The following PDSS2 variants were observed in gnomAD, a reference collection of about 807,000 sequenced individuals.
PDSS2 encodes the protein all trans-polyprenyl-diphosphate synthase PDSS2.
In PDSS2, 31 loss-of-function variants were observed where a neutral mutation model predicts 44.5. That is an observed-to-expected ratio of 0.70 (90% confidence interval 0.52 to 0.94). The LOEUF is 0.94. Ranked by LOEUF, PDSS2 falls within the 40% of genes least tolerant of loss-of-function variation. The pLI, the probability that PDSS2 is intolerant of heterozygous loss-of-function variation, is 0.00. For synonymous variants in PDSS2, 157 were observed against 180.3 expected (o/e 0.87, Z 1.03); for missense variants, 452 against 482.2 (o/e 0.94, Z 0.59).
chr6:107,401,970 C>A (rs1780119056), intron 1 of PDSS2, among the ~76,000 whole-genome samples: 1 of 152,132 alleles, frequency 6.6e-6, no homozygotes, highest in African/African-American at 2.4e-5. Flanking sequence ...TGGTGAAACC[C>A]TGTCTCTATT....
intron 1 of PDSS2, among the ~76,000 whole-genome samples, chr6:107,389,098 G>T (rs1193094951): frequency 2.0e-5 from 3 of 152,172 alleles, no homozygotes; most frequent in South Asian, 4.1e-4. Context: ...CTACAAAAGG[G>T]AATACAAGGG....
intron 1 of PDSS2, among the ~76,000 whole-genome samples, chr6:107,405,619 G>A (rs920095649): frequency 1.1e-4 from 16 of 151,990 alleles, no homozygotes; most frequent in South Asian, 8.3e-4. Context: ...AGGCCGAGGC[G>A]GGCGGATCAC....
intron 4 of PDSS2, among the ~76,000 whole-genome samples, chr6:107,215,410 G>T (rs560774306): frequency 1.3e-5 from 2 of 152,202 alleles, no homozygotes; most frequent in Admixed American, 6.5e-5. Flanking sequence ...TAAAAAAATA[G>T]CAACTGATGT....
intron 4 of PDSS2, among the ~76,000 whole-genome samples, chr6:107,220,945 C>A (rs147022803): frequency 6.6e-6 from 1 of 152,234 alleles, no homozygotes; most frequent in East Asian, 1.9e-4. Context: ...TGTAAAATGC[C>A]AAGAAACTAG....
At chr6:107,326,796 G>A (rs1429981483) in intron 2 of PDSS2, among the ~76,000 whole-genome samples, 2 of 151,538 alleles carry the variant, frequency 1.3e-5, no homozygotes, top group African/African-American at 4.9e-5. Context: ...AGGTTGCAGT[G>A]AGCCGAGATC....
chr6:107,445,234 G>A (rs1357141787), intron 1 of PDSS2, among the ~76,000 whole-genome samples: 2 of 151,666 alleles, frequency 1.3e-5, no homozygotes, highest in South Asian at 2.1e-4. Flanking sequence ...TTTAGTTAGG[G>A]AAACAGTAAT....
At chr6:107,320,728 C>G (rs1777354636) in intron 2 of PDSS2, among the ~76,000 whole-genome samples, 1 of 152,142 alleles carries the variant, frequency 6.6e-6, no homozygotes, top group Non-Finnish European at 1.5e-5. Context: ...ATTCAACCCC[C>G]TAAGAAAATT....
At chr6:107,240,327 G>T (rs1774375906) in intron 4 of PDSS2, among the ~76,000 whole-genome samples, 1 of 151,976 alleles carries the variant, frequency 6.6e-6, no homozygotes, top group South Asian at 2.1e-4. Context: ...CTTGAGCCCA[G>T]GAGTTCAAGG....
intron 7 of PDSS2, among the ~76,000 whole-genome samples, chr6:107,175,087 C>T (rs887317838): frequency 3.3e-5 from 5 of 152,052 alleles, no homozygotes; most frequent in African/African-American, 1.2e-4. Context: ...TGGCACACGC[C>T]TGTAATCCCA....
At chr6:107,402,633 G>A (rs1422076713) in intron 1 of PDSS2, among the ~76,000 whole-genome samples, 1 of 148,780 alleles carries the variant, frequency 6.7e-6, no homozygotes, top group Admixed American at 6.7e-5. Flanking sequence ...CACAATCATG[G>A]CAGAAAGCAA....
chr6:107,199,383 C>T (rs1772690845), intron 6 of PDSS2, among the ~76,000 whole-genome samples: 1 of 152,242 alleles, frequency 6.6e-6, no homozygotes, highest in African/African-American at 2.4e-5. Context: ...TCACGGCAGC[C>T]TCAACCTCTC....
At chr6:107,419,257 G>A (rs79954273) in intron 1 of PDSS2, among the ~76,000 whole-genome samples, 19,459 of 152,142 alleles carry the variant, frequency 0.13, 1,478 homozygotes, top group East Asian at 0.24. Context: ...TCTCAAAAAT[G>A]CTACAAATGA....
At chr6:107,270,558 A>T (rs1243948917) in intron 3 of PDSS2, among the ~76,000 whole-genome samples, 1 of 152,212 alleles carries the variant, frequency 6.6e-6, no homozygotes, top group Non-Finnish European at 1.5e-5. Flanking sequence ...AGCTTCTATT[A>T]AAATAGAAGA....
intron 1 of PDSS2, among the ~76,000 whole-genome samples, chr6:107,412,196 T>C (rs1780523159): frequency 6.7e-6 from 1 of 148,726 alleles, no homozygotes; most frequent in Non-Finnish European, 1.5e-5. Flanking sequence ...CAACTGTACT[T>C]CTTTTTCTGT....
intron 1 of PDSS2, among the ~76,000 whole-genome samples, chr6:107,407,140 T>C (rs1780346605): frequency 6.6e-6 from 1 of 152,234 alleles, no homozygotes. Flanking sequence ...AATTCTGATA[T>C]ATGCTACAAC....
intron 2 of PDSS2, among the ~76,000 whole-genome samples, chr6:107,295,700 CA>C (rs970531753): frequency 6.6e-6 from 1 of 152,084 alleles, no homozygotes; most frequent in African/African-American, 2.4e-5. Flanking sequence ...ACCAAATTGC[CA>C]GGTAAATGTT....
At position 107,195,599 on chromosome 6, in the gene PDSS2, C is replaced by T. The variant is rs1461469889; in HGVS notation, c.1009-1745G>A. Among the ~76,000 whole-genome samples the T allele has an allele frequency of 2.2e-5, 3 of 137,940 alleles. No individual in the cohort carries two copies. In the East Asian group the frequency reaches 6.8e-4, roughly 31 times the overall value. 90.5% of individuals were successfully genotyped at this position (137,940 alleles called of 152,430 possible). On this transcript the variant is annotated intron_variant, in intron 6 of 7. Coordinates refer to ENST00000369037, the MANE Select transcript of PDSS2 (RefSeq NM_020381.4). ...TTTTTGAGATGCAGTCTTGCTCTGTCGTCCAGGCTGGAGTGCAGTGGTGTA... is the reference window on the plus strand; with the variant it reads ...TTTTTGAGATGCAGTCTTGCTCTGTTGTCCAGGCTGGAGTGCAGTGGTGTA...
intron 1 of PDSS2, among the ~76,000 whole-genome samples, chr6:107,392,751 C>G (rs948576893): frequency 6.6e-6 from 1 of 152,092 alleles, no homozygotes; most frequent in African/African-American, 2.4e-5. Context: ...CCATCCTGGC[C>G]TCCTTCAACG....
chr6:107,189,711 G>A (rs1484842793), intron 7 of PDSS2, among the ~76,000 whole-genome samples: 2 of 152,136 alleles, frequency 1.3e-5, no homozygotes, highest in African/African-American at 4.8e-5. Flanking sequence ...CATTGAGTTG[G>A]TGGCAGAGCC....
Sources: gnomAD v4.1 joint callset for allele counts (sites outside exome capture counted in the v4.1 genomes callset) on GRCh38, gnomAD v4.1.1 for gene constraint, MANE v1.5 for transcripts, NCBI Gene and HGNC (gene_info 2026-07-23, HGNC 2026-07-21) for gene names.